BCAS1: variants seen among roughly 807,000 people sequenced by gnomAD.
BCAS1 encodes breast carcinoma-amplified sequence 1.
BCAS1 carries 46 observed loss-of-function variants against 65.4 expected under a neutral mutation model. The ratio of observed to expected loss-of-function variants is 0.70; its 90% CI spans 0.55 to 0.90. BCAS1 has a LOEUF of 0.90. Ranked by LOEUF, BCAS1 falls within the 40% of genes least tolerant of loss-of-function variation. The pLI is 0.00. For synonymous variants in BCAS1, 298 were observed against 293.5 expected (o/e 1.02, Z -0.16); for missense variants, 793 against 771.2 (o/e 1.03, Z -0.33).
At chr20:53,947,623 G>A (rs752170589) in intron 12 of BCAS1, among the ~76,000 whole-genome samples, 6 of 152,184 alleles carry the variant, frequency 3.9e-5, no homozygotes, top group Non-Finnish European at 8.8e-5. Flanking sequence ...CTACAGAGGA[G>A]GCTGCTGAAG....
chr20:53,960,469 TAAAAAA>T (rs11467629), intron 10 of BCAS1, among the ~76,000 whole-genome samples: 2 of 63,088 alleles, frequency 3.2e-5, no homozygotes, highest in African/African-American at 1.2e-4. Context: ...TTCAACTTCT[TAAAAAA>T]AAAAAAAAAA....
chr20:53,946,374 G>T (rs2089316468), intron 12 of BCAS1, among the ~76,000 whole-genome samples: 1 of 152,012 alleles, frequency 6.6e-6, no homozygotes, highest in Admixed American at 6.6e-5. Context: ...CAGCCCTTCA[G>T]ACTAACTTCT....
chr20:53,976,067 A>T (rs1207619248), intron 8 of BCAS1, among the ~76,000 whole-genome samples: 3 of 152,184 alleles, frequency 2.0e-5, no homozygotes, highest in African/African-American at 4.8e-5. Context: ...ACATATCCAC[A>T]TTCAAACACC....
At chr20:53,994,622 G>T (rs561714851) in intron 6 of BCAS1, among the ~76,000 whole-genome samples, 2 of 152,026 alleles carry the variant, frequency 1.3e-5, no homozygotes, top group East Asian at 3.8e-4. Context: ...CTACTGAAAA[G>T]CTTTCTTCTA....
At chr20:54,069,836 C>T (rs2092493075) in intron 1 of BCAS1, among the ~76,000 whole-genome samples, 1 of 152,184 alleles carries the variant, frequency 6.6e-6, no homozygotes, top group Non-Finnish European at 1.5e-5. Context: ...GGCTGCAGCG[C>T]ACCCGCATTC....
chr20:54,008,808 A>G (rs1252187942), intron 4 of BCAS1, among the ~76,000 whole-genome samples: 1 of 144,848 alleles, frequency 6.9e-6, no homozygotes, highest in South Asian at 2.2e-4. Context: ...TCTAACAAAG[A>G]TTTTTTTTTT....
intron 4 of BCAS1, among the ~76,000 whole-genome samples, chr20:54,024,822 T>C (rs1278586008): frequency 6.6e-6 from 1 of 151,772 alleles, no homozygotes; most frequent in Non-Finnish European, 1.5e-5. Flanking sequence ...GCCAGGGTGA[T>C]GGTAGGGAAT....
At chr20:53,987,598 T>C (rs1273389968) in intron 7 of BCAS1, among the ~76,000 whole-genome samples, 1 of 152,202 alleles carries the variant, frequency 6.6e-6, no homozygotes, top group East Asian at 1.9e-4. Flanking sequence ...AGCCATGATA[T>C]GTACTAAGTG....
intron 3 of BCAS1, among the ~76,000 whole-genome samples, chr20:54,035,266 G>T (rs1230950249): frequency 6.6e-6 from 1 of 150,472 alleles, no homozygotes; most frequent in East Asian, 1.9e-4. Flanking sequence ...CGGGTGTGGT[G>T]GCAGGCGCCT....
chr20:53,959,149 C>T (rs568638521), intron 10 of BCAS1, among the ~76,000 whole-genome samples: 13 of 152,108 alleles, frequency 8.5e-5, no homozygotes, highest in South Asian at 6.2e-4. Context: ...TGGAGTACAG[C>T]GGCACAATCA....
chr20:54,043,325 TGATGAC>T lies in BCAS1; in HGVS notation c.143-14359_143-14354del, dbSNP rs1366020347. 3.0e-3 allele frequency among the ~76,000 whole-genome samples: 439 copies of T among 148,008 alleles called. 2 individuals carry two copies. The highest frequency in any genetic ancestry group is 0.01 in the African/African-American group (414 of 39,888). On this transcript the variant is annotated intron_variant, in intron 3 of 12. Coordinates refer to ENST00000688948, the MANE Select transcript of BCAS1 (RefSeq NM_001366298.2). ...ATGATGATGATGATGATGATGATGA[TGATGAC>T]GATGATTTTTTTTATAGCCATCTTT...
chr20:53,972,424 T>C, intron 9 of BCAS1, among the ~76,000 whole-genome samples: 1 of 152,228 alleles, frequency 6.6e-6, no homozygotes, highest in Non-Finnish European at 1.5e-5. Context: ...TATTTGCTAA[T>C]TTGCTAACAA....
At chr20:54,058,832 T>G in intron 1 of BCAS1, 109 bp from the exon 2 acceptor site, 1 of 1,196,708 alleles carries the variant, frequency 8.4e-7, no homozygotes. Context: ...TGTATTATCA[T>G]CAGCTGAGAT....
intron 6 of BCAS1, among the ~76,000 whole-genome samples, 157 bp from the exon 7 acceptor site, chr20:53,992,803 T>C (rs73124072): frequency 0.032 from 4,832 of 152,240 alleles, 107 homozygotes; most frequent in Middle Eastern, 0.095. Context: ...ATGTTTATCT[T>C]TTTTAAACTT....
At chr20:53,980,251 G>C (rs769589296) in intron 8 of BCAS1, among the ~76,000 whole-genome samples, 4 of 152,178 alleles carry the variant, frequency 2.6e-5, no homozygotes, top group Non-Finnish European at 5.9e-5. Flanking sequence ...CTTGATAAAT[G>C]TTCTTTTAAC....
At chr20:54,015,280 C>G (rs208643) in intron 4 of BCAS1, among the ~76,000 whole-genome samples, 65,076 of 151,928 alleles carry the variant, frequency 0.43, 14,575 homozygotes, top group South Asian at 0.63. Flanking sequence ...GATCCACCCC[C>G]CTTGGCCTCC....
chr20:53,969,758 A>T (rs2090131875), intron 9 of BCAS1, among the ~76,000 whole-genome samples: 1 of 152,190 alleles, frequency 6.6e-6, no homozygotes, highest in South Asian at 2.1e-4. Flanking sequence ...AGCTGCCACA[A>T]TTCCAGATAT....
intron 3 of BCAS1, among the ~76,000 whole-genome samples, chr20:54,051,270 C>T (rs1013409296): frequency 1.4e-4 from 22 of 152,300 alleles, no homozygotes; most frequent in Admixed American, 8.5e-4. Context: ...TGAGTTTCTC[C>T]TTCACAATCC....
intron 3 of BCAS1, among the ~76,000 whole-genome samples, chr20:54,047,299 C>T (rs1005667555): frequency 2.0e-5 from 3 of 152,158 alleles, no homozygotes; most frequent in Non-Finnish European, 4.4e-5. Context: ...TGTGTCATCC[C>T]TTCTACTACA....
Sources: allele counts gnomAD v4.1 joint callset (sites outside exome capture counted in the v4.1 genomes callset), GRCh38; gene constraint gnomAD v4.1.1; transcripts MANE v1.5; gene names NCBI Gene and HGNC (gene_info 2026-07-23, HGNC 2026-07-21).